Variants in TMEM132B observed in about 807,000 individuals in gnomAD.
TMEM132B encodes transmembrane protein 132B.
TMEM132B carries 18 observed loss-of-function variants against 90.8 expected under a neutral mutation model. That is an observed-to-expected ratio of 0.20 (90% CI 0.14 to 0.29). The LOEUF is 0.29. Ranked by LOEUF, TMEM132B falls within the 10% of genes least tolerant of loss-of-function variation. The pLI, the probability that TMEM132B is intolerant of heterozygous loss-of-function variation, is 1.00. For synonymous variants in TMEM132B, 504 were observed against 523.3 expected, an observed-to-expected ratio of 0.96 and a Z score of 0.50; for missense variants, 1,096 against 1,326.8, an observed-to-expected ratio of 0.83 and a Z score of 2.70.
At chr12:125,433,915 T>C (rs1166735731) in intron 3 of TMEM132B, among the ~76,000 whole-genome samples, 2 of 152,222 alleles carry the variant, frequency 1.3e-5, no homozygotes, top group African/African-American at 4.8e-5. Flanking sequence ...AAGGGGGCTC[T>C]GCAAATTGAG....
At chr12:125,494,278 A>ATG (rs1882454743) in intron 3 of TMEM132B, among the ~76,000 whole-genome samples, 2 of 33,624 alleles carry the variant, frequency 5.9e-5, no homozygotes, top group Admixed American at 7.3e-4. Context: ...AAATGGCTGC[A>ATG]TCCCTCCTCC....
At chr12:125,606,977 C>CCAGT (rs1885711665) in intron 5 of TMEM132B, among the ~76,000 whole-genome samples, 1 of 152,128 alleles carries the variant, frequency 6.6e-6, no homozygotes, top group Non-Finnish European at 1.5e-5. Flanking sequence ...AAAGGCCCAC[C>CCAGT]CAGTCAGCTC....
intron 4 of TMEM132B, among the ~76,000 whole-genome samples, chr12:125,559,341 G>T (rs1024688840): frequency 6.6e-6 from 1 of 152,138 alleles, no homozygotes; most frequent in Admixed American, 6.5e-5. Flanking sequence ...CTCCAGCCTG[G>T]GTGACAGAGT....
intron 1 of TMEM132B, among the ~76,000 whole-genome samples, chr12:125,198,914 G>A (rs1872987740): frequency 6.6e-6 from 1 of 152,184 alleles, no homozygotes; most frequent in Admixed American, 6.5e-5. Flanking sequence ...TGTGACCTCT[G>A]AAACCCCAGC....
At chr12:125,530,116 T>A (rs1397522738) in intron 4 of TMEM132B, among the ~76,000 whole-genome samples, 1 of 152,234 alleles carries the variant, frequency 6.6e-6, no homozygotes, top group Non-Finnish European at 1.5e-5. Context: ...AATGGCATTA[T>A]GTTGAGTGTA....
rs768419456 is a variant in TMEM132B at position 125,652,638 on chromosome 12, C to A, written c.2106+6C>A. 1.2e-6 allele frequency: 2 copies of A among 1,607,254 alleles called. No individual in the cohort carries two copies. Among genetic ancestry groups the A allele is most frequent in the Non-Finnish European group, 1.7e-6 (2 of 1,176,588 alleles). ...TTCTTCAGTCCCCACAGCAGGTGAG[C>A]GTTCCAGGGGCCCTGCGTCCTTGGT... On this transcript the variant is annotated splice_donor_region_variant and intron_variant, in intron 8 of 8. Coordinates refer to ENST00000682704, the MANE Select transcript of TMEM132B (RefSeq NM_001366854.1).
At position 125,496,320 on chromosome 12, in the gene TMEM132B, A is replaced by G. The variant is rs188089150; in HGVS notation, c.1107-23119A>G. On this transcript the variant is annotated intron_variant, in intron 3 of 8. Transcript: ENST00000682704. The stretch of plus-strand genomic sequence containing the variant: ...TGGAAGAAAGTACTAGGCTTTAAGA[A>G]AGGAGGTTTGCCTGGCACTTGACAC... Among the ~76,000 whole-genome samples the G allele has an allele frequency of 2.5e-4, 38 of 152,252 alleles. No individual in the cohort carries two copies. In the East Asian group the frequency reaches 2.5e-3, roughly 10 times the overall value.
chr12:125,360,338 CTG>C (rs1192723541), intron 2 of TMEM132B, among the ~76,000 whole-genome samples: 1 of 152,204 alleles, frequency 6.6e-6, no homozygotes, highest in African/African-American at 2.4e-5. Context: ...AAGTAAAACA[CTG>C]TTTCAAAACA....
At chr12:125,546,373 G>A (rs1287787683) in intron 4 of TMEM132B, among the ~76,000 whole-genome samples, 2 of 151,934 alleles carry the variant, frequency 1.3e-5, no homozygotes, top group Non-Finnish European at 2.9e-5. Context: ...TAGTAGAGAC[G>A]GGGTTTCACC....
intron 1 of TMEM132B, among the ~76,000 whole-genome samples, chr12:125,263,707 A>G (rs1874622001): frequency 6.6e-6 from 1 of 152,178 alleles, no homozygotes; most frequent in African/African-American, 2.4e-5. Context: ...TCTTCTCCAA[A>G]CCGGAAGTCA....
chr12:125,225,222 G>A (rs957975865), intron 1 of TMEM132B, among the ~76,000 whole-genome samples: 5 of 152,246 alleles, frequency 3.3e-5, no homozygotes, highest in Non-Finnish European at 7.3e-5. Flanking sequence ...GTGATTCATG[G>A]TGTAACTTCC....
chr12:125,349,858 G>A lies in TMEM132B; in HGVS notation c.474G>A (p.Thr158=), dbSNP rs757343384. The change falls in exon 2 of 9, where the codon ACG becomes ACA. Residue 158 remains threonine, a synonymous_variant. Transcript: ENST00000682704. This position sits in a 1 kb window ranked among gnomAD's most constrained non-coding sequence, Gnocchi z 4.1. ...TGGGCTGGGATGACAGTGACCTTAC[G>A]GAAGATCTACCCTGTGTCAAGATGT... ...TGMGWDDSDL[T]EDLPCVKMFA... 4.3e-5 allele frequency: 69 copies of A among 1,613,778 alleles called. 1 individual carries two copies. The South Asian group carries it at 6.6e-4, about 15-fold the overall frequency.
chr12:125,415,796 G>T lies in TMEM132B; in HGVS notation c.1106+119G>T. ...GATGCCTCTGCGTTTAATGAGAAAT[G>T]ATTTTTGAGGTCGGCAGTCTCAAAA... On this transcript the variant is annotated intron_variant, in intron 3 of 8. Transcript: ENST00000682704. This position sits in a 1 kb window ranked among gnomAD's most constrained non-coding sequence, Gnocchi z 5.3. 7.7e-7 allele frequency: 1 copy of T among 1,294,552 alleles called. No individual in the cohort carries two copies. Among genetic ancestry groups the T allele is most frequent in the Non-Finnish European group, 1.0e-6 (1 of 985,848 alleles). The allele number at this position is 1,294,552 out of a possible 1,614,324, so 80.2% of individuals were successfully genotyped here. A position where few individuals can be genotyped will look rare whatever the true frequency, so the allele number is the denominator to read the frequency against.
intron 5 of TMEM132B, among the ~76,000 whole-genome samples, chr12:125,613,134 AT>A (rs1802030221): frequency 8.6e-6 from 1 of 116,144 alleles, no homozygotes; most frequent in South Asian, 2.3e-4. Flanking sequence ...ATATTTATAT[AT>A]TATATATAAA....
intron 2 of TMEM132B, among the ~76,000 whole-genome samples, chr12:125,391,467 C>T (rs1440828622): frequency 6.6e-6 from 1 of 152,160 alleles, no homozygotes; most frequent in Non-Finnish European, 1.5e-5. Flanking sequence ...GAGGTTACTA[C>T]CATGGATCTG....
rs1224639017 is a variant in TMEM132B, at chr12:125,432,459, GTGTATATA to G, written c.1106+16784_1106+16791del. Reference sequence around the variant, plus strand: ...TATATGTATGTGTATATATATGTATGTGTATATATATGTATGTGTATATATATGTATGT... The same window carrying G: ...TATATGTATGTGTATATATATGTATGTATGTATGTGTATATATATGTATGT... On this transcript the variant is annotated intron_variant, in intron 3 of 8. Transcript: ENST00000682704. Among the ~76,000 whole-genome samples the G allele has an allele frequency of 8.1e-4, 69 of 84,872 alleles. 21 individuals carry two copies. The highest frequency in any genetic ancestry group is 2.8e-3 in the South Asian group (8 of 2,870). 55.7% of individuals were successfully genotyped at this position (84,872 alleles called of 152,430 possible).
intron 3 of TMEM132B, among the ~76,000 whole-genome samples, chr12:125,426,211 T>A (rs1410887137): frequency 6.6e-6 from 1 of 152,232 alleles, no homozygotes; most frequent in Non-Finnish European, 1.5e-5. Context: ...ATGCTGAGTA[T>A]CCTTTCATGT....
chr12:125,578,037 G>C (rs1884975922), intron 4 of TMEM132B, among the ~76,000 whole-genome samples: 1 of 152,090 alleles, frequency 6.6e-6, no homozygotes, highest in Admixed American at 6.5e-5. Context: ...ATGTCCTAGA[G>C]AATGCTCCAT....
intron 3 of TMEM132B, among the ~76,000 whole-genome samples, chr12:125,417,339 G>A (rs1292424159): frequency 7.9e-5 from 12 of 152,146 alleles, no homozygotes; most frequent in Admixed American, 7.2e-4. Flanking sequence ...GCTTTTGCCC[G>A]AGAGGCAGGG....
Sources: gnomAD v4.1 joint callset for allele counts (sites outside exome capture counted in the v4.1 genomes callset) on GRCh38, gnomAD v4.1.1 for gene constraint, Gnocchi (gnomAD v3.1) non-coding constraint, MANE v1.5 for transcripts, NCBI Gene and HGNC (gene_info 2026-07-23, HGNC 2026-07-21) for gene names.